The following CYP2C8 variants were observed in gnomAD, a reference collection of about 807,000 sequenced individuals.
CYP2C8 encodes the protein cytochrome P450 family 2 subfamily C member 8.
A neutral mutation model predicts 41.3 loss-of-function variants in CYP2C8; 51 were observed. The ratio of observed to expected loss-of-function variants is 1.24; its 90% CI spans 0.99 to 1.56. The LOEUF is 1.56. CYP2C8 is among the 40% of genes most tolerant of loss of function. The pLI is 0.00. For missense variants in CYP2C8, 651 were observed against 579.9 expected (o/e 1.12, Z -1.26); for synonymous variants, 218 against 205.8 (o/e 1.06, Z -0.51).
intron 5 of CYP2C8, among the ~76,000 whole-genome samples, chr10:95,049,755 A>T (rs781590058): frequency 4.6e-5 from 7 of 152,064 alleles, no homozygotes; most frequent in Non-Finnish European, 7.4e-5. Flanking sequence ...GGTGCAACCT[A>T]CTGAGACAGC....
chr10:95,066,215 GT>G (rs541771653), intron 3 of CYP2C8, among the ~76,000 whole-genome samples: 132 of 126,786 alleles, frequency 1.0e-3, no homozygotes, highest in Middle Eastern at 4.1e-3. Flanking sequence ...TGATATCCAG[GT>G]TTTTTTTTTT....
chr10:95,062,846 T>C (rs1365059882), intron 4 of CYP2C8, among the ~76,000 whole-genome samples: 2 of 152,158 alleles, frequency 1.3e-5, no homozygotes, highest in Non-Finnish European at 2.9e-5. Flanking sequence ...AGTGACAAAA[T>C]CTCTCAGCAT....
At chr10:95,060,120 A>G (rs1407442956) in intron 4 of CYP2C8, among the ~76,000 whole-genome samples, 1 of 152,008 alleles carries the variant, frequency 6.6e-6, no homozygotes, top group Non-Finnish European at 1.5e-5. Flanking sequence ...TTGACTTGAC[A>G]ATGCGGGCTC....
At chr10:95,054,227 A>T (rs2033267265) in intron 5 of CYP2C8, among the ~76,000 whole-genome samples, 1 of 152,088 alleles carries the variant, frequency 6.6e-6, no homozygotes, top group South Asian at 2.1e-4. Flanking sequence ...AATGGGATCT[A>T]TATGAGGAGT....
intron 3 of CYP2C8, 101 bp downstream of exon 3, chr10:95,067,107 A>G (rs1204501940): frequency 6.6e-7 from 1 of 1,515,360 alleles, no homozygotes; most frequent in Non-Finnish European, 9.2e-7. Flanking sequence ...GACAACCAGG[A>G]TGCGCAATGA....
At chr10:95,046,431 TGG>T (rs34115801) in intron 5 of CYP2C8, among the ~76,000 whole-genome samples, 1 of 151,532 alleles carries the variant, frequency 6.6e-6, no homozygotes, top group Non-Finnish European at 1.5e-5. Context: ...TGAGAGCAAT[TGG>T]GGGGGGCACA....
At chr10:95,061,040 T>C (rs1334392636) in intron 4 of CYP2C8, among the ~76,000 whole-genome samples, 1 of 152,214 alleles carries the variant, frequency 6.6e-6, no homozygotes, top group African/African-American at 2.4e-5. Flanking sequence ...TGGATTCAGT[T>C]TGCCGTAATT....
At chr10:95,063,199 G>T (rs993403345) in intron 4 of CYP2C8, among the ~76,000 whole-genome samples, 29 of 152,300 alleles carry the variant, frequency 1.9e-4, no homozygotes, top group African/African-American at 6.7e-4. Context: ...TTCCTAGGTT[G>T]GGGAAGTTCT....
At chr10:95,066,137 A>AGT (rs1233648601) in intron 3 of CYP2C8, among the ~76,000 whole-genome samples, 24 of 109,528 alleles carry the variant, frequency 2.2e-4, no homozygotes, top group African/African-American at 8.7e-4. Flanking sequence ...AGAGAGAGAG[A>AGT]GAGAGAGAGA....
At chr10:95,063,157 C>A (rs1473392039) in intron 4 of CYP2C8, among the ~76,000 whole-genome samples, 1 of 152,154 alleles carries the variant, frequency 6.6e-6, no homozygotes, top group Non-Finnish European at 1.5e-5. Flanking sequence ...GTGGCGTTCT[C>A]TGTATTTCCT....
In CYP2C8 at chr10:95,039,298, C is replaced by G. The variant is rs370274928; in HGVS notation, c.1150-260G>C. ...TTCTCCAGATCATCAAGTTTGGATG[C>G]CCTTTTCTGGCCTCATTTGCCGCTC... On this transcript the variant is annotated intron_variant, in intron 7 of 8. Coordinates refer to ENST00000371270, the MANE Select transcript of CYP2C8 (RefSeq NM_000770.3). 1.5e-5 allele frequency: 7 copies of G among 460,160 alleles called. No homozygotes were observed. The East Asian group carries it at 2.5e-4, about 16-fold the overall frequency. The allele number at this position is 460,160 out of a possible 1,614,324, so 28.5% of individuals were successfully genotyped here. A position where few individuals can be genotyped will look rare whatever the true frequency, so the allele number is the denominator to read the frequency against.
intron 1 of CYP2C8, among the ~76,000 whole-genome samples, chr10:95,069,008 A>G (rs7083837): frequency 0.042 from 6,309 of 151,802 alleles, 490 homozygotes; most frequent in African/African-American, 0.14. Context: ...GCTTGCAGTG[A>G]GTGGAGATAG....
intron 8 of CYP2C8, 56 bp from the exon 9 acceptor site, chr10:95,037,365 C>G: frequency 5.4e-6 from 8 of 1,469,854 alleles, no homozygotes; most frequent in Non-Finnish European, 7.6e-6. Flanking sequence ...GTGACTGTGA[C>G]AAACAGTCAT....
In CYP2C8 at chr10:95,047,838, A is replaced by G. The variant is rs533100876; in HGVS notation, c.820-1887T>C. On this transcript the variant is annotated intron_variant, in intron 5 of 8. Coordinates refer to ENST00000371270, the MANE Select transcript of CYP2C8 (RefSeq NM_000770.3). Reference sequence around the variant, plus strand: ...AAAAGTTCCAGCTCAAGATTACTTCACTAGTGAATTCTACCAAAATAGTTA... The same window carrying G: ...AAAAGTTCCAGCTCAAGATTACTTCGCTAGTGAATTCTACCAAAATAGTTA... Among the ~76,000 whole-genome samples, 6 of 152,326 alleles carry G rather than the reference A, an allele frequency of 3.9e-5. No individual in the cohort carries two copies. The South Asian group carries it at 1.0e-3, about 26-fold the overall frequency.
chr10:95,042,986 T>C lies in CYP2C8; in HGVS notation c.1053A>G (p.Val351=), dbSNP rs1564734420. 6.2e-7 allele frequency: 1 copy of C among 1,614,204 alleles called. No homozygotes were observed. Residue 351 remains valine, a synonymous_variant, in exon 7 of 9, where the codon GTA becomes GTG. Coordinates refer to ENST00000371270, the MANE Select transcript of CYP2C8 (RefSeq NM_000770.3). ...CACTGTATCTCTGGATCTCGTGCAC[T>C]ACAGCATCAGTGTAAGGCATGTGGC... ...DRSHMPYTDA[V]VHEIQRYSDL...
chr10:95,064,908 G>A lies in CYP2C8; in HGVS notation c.534C>T (p.Ile178=), dbSNP rs371717605. 1.4e-5 allele frequency: 22 copies of A among 1,613,200 alleles called. No individual in the cohort carries two copies. The highest frequency in any genetic ancestry group is 1.8e-5 in the Non-Finnish European group (21 of 1,179,950). The part of the protein sequence containing the change: ...FILGCAPCNV[I]CSVVFQKRFD... ...ATCGTTTCTGGAAAACAACGGAGCA[G>A]ATCACATTGCAGGGAGCACAGCCCA... Residue 178 remains isoleucine, a synonymous_variant, in exon 4 of 9, where the codon ATC becomes ATT. Transcript: ENST00000371270.
intron 4 of CYP2C8, among the ~76,000 whole-genome samples, chr10:95,058,932 A>ATGGT (rs1589444472): frequency 2.0e-5 from 3 of 152,172 alleles, no homozygotes; most frequent in Non-Finnish European, 4.4e-5. Context: ...GCTGAGAACG[A>ATGGT]TGGTTTCTAG....
intron 5 of CYP2C8, among the ~76,000 whole-genome samples, chr10:95,055,007 T>C (rs1182019004): frequency 6.6e-6 from 1 of 152,038 alleles, no homozygotes; most frequent in African/African-American, 2.4e-5. Flanking sequence ...TAAAGTATAA[T>C]AATAATAATA....
chr10:95,036,812 C>G lies in CYP2C8; in HGVS notation c.*316G>C. 2.8e-6 allele frequency: 1 copy of G among 351,994 alleles called. No homozygotes were observed. The highest frequency in any genetic ancestry group is 5.4e-6 in the Non-Finnish European group (1 of 186,178). 21.8% of individuals were successfully genotyped at this position (351,994 alleles called of 1,614,324 possible). ...TAACACTTTTTATTTAGCACATTCA[C>G]AAAAGAAATGGATCTAAATTATCAT... On this transcript the variant is annotated 3_prime_UTR_variant, in exon 9 of 9. Transcript: ENST00000371270.
Sources: allele counts gnomAD v4.1 joint callset (sites outside exome capture counted in the v4.1 genomes callset), GRCh38; gene constraint gnomAD v4.1.1; transcripts MANE v1.5; gene names NCBI Gene and HGNC (gene_info 2026-07-23, HGNC 2026-07-21).